The following ARHGAP23 variants were observed in gnomAD, a reference collection of about 807,000 sequenced individuals.
ARHGAP23 encodes the protein rho GTPase-activating protein 23.
ARHGAP23 carries 34 observed loss-of-function variants against 136.3 expected under a neutral mutation model. The observed-to-expected ratio is 0.25, with a 90% confidence interval of 0.19 to 0.33. ARHGAP23 has a LOEUF of 0.33. Ranked by LOEUF, ARHGAP23 falls within the 10% of genes least tolerant of loss-of-function variation. ARHGAP23 has a pLI of 1.00. For synonymous variants in ARHGAP23, 832 were observed against 920.5 expected, an observed-to-expected ratio of 0.90 and a Z score of 1.74; for missense variants, 1,808 against 2,139.0, an observed-to-expected ratio of 0.85 and a Z score of 3.05.
intron 1 of ARHGAP23, among the ~76,000 whole-genome samples, chr17:38,441,707 C>T (rs1045289626): frequency 2.6e-5 from 4 of 152,150 alleles, no homozygotes; most frequent in East Asian, 3.9e-4. Context: ...GAAAGTCAAG[C>T]TGAGACCTGG....
upstream of ARHGAP23, among the ~76,000 whole-genome samples, chr17:38,424,255 T>C (rs763925961): frequency 1.3e-5 from 2 of 152,092 alleles, no homozygotes; most frequent in Non-Finnish European, 2.9e-5. Flanking sequence ...CCCCTCCGGC[T>C]GTCTCTCCTT....
upstream of ARHGAP23, among the ~76,000 whole-genome samples, chr17:38,426,845 C>G (rs1054195211): frequency 4.6e-5 from 7 of 152,126 alleles, no homozygotes; most frequent in African/African-American, 1.7e-4. Context: ...CTGGGGCACC[C>G]CAACCCCTCT....
Position 38,487,213 on chromosome 17 carries a change from G to A in ARHGAP23, c.2986+1073G>A, listed in dbSNP as rs145227366. Among the ~76,000 whole-genome samples the A allele has an allele frequency of 5.4e-3, 825 of 152,292 alleles. 10 individuals are homozygous for A. The highest frequency in any genetic ancestry group is 0.016 in the African/African-American group (668 of 41,552). On this transcript the variant is annotated intron_variant, in intron 17 of 23. Transcript: ENST00000622683. ...AGAGTTGTAATTCTGAGATTCATTC[G>A]TGTCAGTGCAGAGAGCTCTACCTCA...
intron 7 of ARHGAP23, 46 bp from the exon 8 acceptor site, chr17:38,469,098 C>T: frequency 1.3e-6 from 2 of 1,507,264 alleles, no homozygotes. Flanking sequence ...GGCAGGCAGG[C>T]TCCGCTGTCT....
At chr17:38,472,841 G>T (rs1329408399) in intron 11 of ARHGAP23, among the ~76,000 whole-genome samples, 1 of 152,250 alleles carries the variant, frequency 6.6e-6, no homozygotes, top group African/African-American at 2.4e-5. Context: ...GTAATCCCTA[G>T]CTCATAAGCC....
intron 10 of ARHGAP23, among the ~76,000 whole-genome samples, chr17:38,470,281 C>T (rs1396172857): frequency 6.6e-6 from 1 of 152,256 alleles, no homozygotes; most frequent in Admixed American, 6.5e-5. Context: ...CTCAGCACGC[C>T]TCATGCACAA....
At chr17:38,420,840 G>A (rs1020167299) in intron 1 of ARHGAP23, among the ~76,000 whole-genome samples, 1 of 152,192 alleles carries the variant, frequency 6.6e-6, no homozygotes, top group Non-Finnish European at 1.5e-5. Flanking sequence ...GTGGTAGGGC[G>A]GGGAGGGAGG....
At chr17:38,439,970 G>A (rs181194710) in intron 1 of ARHGAP23, among the ~76,000 whole-genome samples, 205 of 151,538 alleles carry the variant, frequency 1.4e-3, no homozygotes, top group Non-Finnish European at 2.2e-3. Context: ...TTAGGTGATC[G>A]GCCTGCCTCG....
chr17:38,420,562 G>A (rs528995120), intron 1 of ARHGAP23, among the ~76,000 whole-genome samples: 54 of 152,156 alleles, frequency 3.5e-4, no homozygotes, highest in Non-Finnish European at 6.0e-4. Flanking sequence ...GAGGAGAGGG[G>A]TGAGGAGGAG....
chr17:38,442,619 G>A lies in ARHGAP23; in HGVS notation c.63+14071G>A, dbSNP rs138145753. 3.0e-3 allele frequency among the ~76,000 whole-genome samples: 461 copies of A among 152,306 alleles called. 1 individual carries two copies. Among genetic ancestry groups the A allele is most frequent in the Middle Eastern group, 0.02 (6 of 294 alleles). On this transcript the variant is annotated intron_variant, in intron 1 of 23. Transcript: ENST00000622683. The stretch of plus-strand genomic sequence containing the variant: ...TCTGGGGCCAGAGGAGGTGTGCCTG[G>A]GGAAGTGACATTTTTGTTAAGAGCA...
upstream of ARHGAP23, among the ~76,000 whole-genome samples, chr17:38,425,563 G>A (rs2038561640): frequency 6.6e-6 from 1 of 152,146 alleles, no homozygotes; most frequent in Non-Finnish European, 1.5e-5. Flanking sequence ...AGTAGACCTT[G>A]TGAATGAAGG....
intron 21 of ARHGAP23, 82 bp from the exon 22 acceptor site, chr17:38,498,332 C>T: frequency 1.8e-6 from 2 of 1,100,092 alleles, no homozygotes; most frequent in Non-Finnish European, 2.6e-6. Flanking sequence ...GACATGGGCT[C>T]TGTCATCAGG....
At chr17:38,505,879 G>A (rs991181869) in intron 23 of ARHGAP23, among the ~76,000 whole-genome samples, 5 of 152,208 alleles carry the variant, frequency 3.3e-5, no homozygotes, top group Non-Finnish European at 5.9e-5. Context: ...AGTGAGCCAA[G>A]ATTGCACCAT....
chr17:38,467,102 C>G lies in ARHGAP23; in HGVS notation c.1419C>G (p.Pro473=), dbSNP rs1357294268. ...CACCCAGGGTTGTACGGCCGGAACC[C>G]AGCACCCGGGCCCTGGAGCCTCCTG... The part of the protein sequence containing the change: ...SEPPRVVRPE[P]STRALEPPAE... Residue 473 remains proline (P), a synonymous_variant, in exon 7 of 24, where the codon CCC becomes CCG. Coordinates refer to ENST00000622683, the MANE Select transcript of ARHGAP23 (RefSeq NM_001199417.2). The G allele has an allele frequency of 6.4e-7, 1 of 1,550,438 alleles. No individual in the cohort carries two copies. The highest frequency in any genetic ancestry group is 1.4e-5 in the African/African-American group (1 of 73,074).
In ARHGAP23 at chr17:38,466,256, C is replaced by T. The variant is rs1224039753; in HGVS notation, c.573C>T (p.Pro191=). Residue 191 remains proline, a synonymous_variant, in exon 7 of 24, where the codon CCC becomes CCT. Coordinates refer to ENST00000622683, the MANE Select transcript of ARHGAP23 (RefSeq NM_001199417.2). ...CAGAGCCACCCCCGATCTGCTACCCCCGCAAGACCTACGCCCCTCCTGCCC... is the reference window on the plus strand; with the variant it reads ...CAGAGCCACCCCCGATCTGCTACCCTCGCAAGACCTACGCCCCTCCTGCCC... ...SIPEPPPICY[P]RKTYAPPARA... 1 of 1,549,304 alleles carries T rather than the reference C, an allele frequency of 6.5e-7. No individual in the cohort carries two copies. The highest frequency in any genetic ancestry group is 8.7e-7 in the Non-Finnish European group (1 of 1,146,578).
chr17:38,438,321 C>CA (rs34412310), intron 1 of ARHGAP23, among the ~76,000 whole-genome samples: 46,776 of 113,512 alleles, frequency 0.41, 10,645 homozygotes, highest in African/African-American at 0.44. Flanking sequence ...GACTCCGTCT[C>CA]AAAAAAAAAA....
chr17:38,503,779 C>T (rs2040571010), intron 23 of ARHGAP23, among the ~76,000 whole-genome samples: 1 of 152,210 alleles, frequency 6.6e-6, no homozygotes, highest in Non-Finnish European at 1.5e-5. Context: ...GGGCCTTGAA[C>T]AATAGAACGT....
At chr17:38,487,023 G>A (rs1946196213) in intron 17 of ARHGAP23, among the ~76,000 whole-genome samples, 1 of 152,160 alleles carries the variant, frequency 6.6e-6, no homozygotes, top group Non-Finnish European at 1.5e-5. Context: ...CTAATGCCTA[G>A]CGTTTTCCAG....
chr17:38,486,009 G>A (rs2040151979), intron 16 of ARHGAP23, 53 bp from the exon 17 acceptor site: 1 of 1,498,308 alleles, frequency 6.7e-7, no homozygotes, highest in Admixed American at 2.0e-5. Flanking sequence ...GATCGTGGAG[G>A]CATGGGCATC....
Sources: allele counts gnomAD v4.1 joint callset (sites outside exome capture counted in the v4.1 genomes callset), GRCh38; gene constraint gnomAD v4.1.1; transcripts MANE v1.5; gene names NCBI Gene and HGNC (gene_info 2026-07-23, HGNC 2026-07-21).